The following TMC1 variants were observed in gnomAD, a reference collection of about 807,000 sequenced individuals.
TMC1 encodes transmembrane channel-like protein 1.
A neutral mutation model predicts 105.8 loss-of-function variants in TMC1; 84 were observed. That is an observed-to-expected ratio of 0.79 (90% CI 0.67 to 0.95). TMC1 has a LOEUF of 0.95. Among genes scored for constraint, TMC1 ranks in the 40% least tolerant of loss-of-function variants. TMC1 has a pLI of 0.00. For missense variants in TMC1, 817 were observed against 914.1 expected (o/e 0.89, Z 1.37); for synonymous variants, 315 against 311.5 (o/e 1.01, Z -0.12).
At chr9:72,654,473 A>G (rs1281600830) in intron 5 of TMC1, among the ~76,000 whole-genome samples, 2 of 151,626 alleles carry the variant, frequency 1.3e-5, no homozygotes, top group Non-Finnish European at 1.5e-5. Flanking sequence ...CATTTTCACT[A>G]TTGGTATATT....
chr9:72,692,697 C>T (rs1826485377), intron 6 of TMC1, among the ~76,000 whole-genome samples: 1 of 152,096 alleles, frequency 6.6e-6, no homozygotes, highest in South Asian at 2.1e-4. Flanking sequence ...CTAATAAAAG[C>T]AGGGTAAATA....
At chr9:72,785,955 A>G (rs929248590) in intron 13 of TMC1, among the ~76,000 whole-genome samples, 3 of 152,116 alleles carry the variant, frequency 2.0e-5, no homozygotes, top group Admixed American at 6.6e-5. Flanking sequence ...ATTGTTTCCT[A>G]CCTGCCTCTC....
At chr9:72,655,783 A>AT (rs538436268) in intron 5 of TMC1, 515 of 564,912 alleles carry the variant, frequency 9.1e-4, no homozygotes, top group South Asian at 2.7e-3. Context: ...TGCTTGTTTC[A>AT]TTTTTTTTTA....
chr9:72,550,778 A>T (rs562036101), intron 1 of TMC1, among the ~76,000 whole-genome samples: 3 of 151,906 alleles, frequency 2.0e-5, no homozygotes, highest in African/African-American at 7.3e-5. Context: ...CAAGATGTTC[A>T]GGTCCTATTC....
intron 5 of TMC1, among the ~76,000 whole-genome samples, chr9:72,658,924 C>T (rs1314754753): frequency 1.3e-5 from 2 of 152,160 alleles, no homozygotes; most frequent in African/African-American, 2.4e-5. Context: ...CAGGCAATAG[C>T]CACAGATGCT....
intron 5 of TMC1, among the ~76,000 whole-genome samples, chr9:72,658,416 G>A (rs1444847): frequency 0.15 from 23,176 of 151,644 alleles, 1,876 homozygotes; most frequent in Non-Finnish European, 0.19. Context: ...ACAAAATGGA[G>A]ATAATACCTG....
At chr9:72,531,595 T>G (rs560662362) in intron 1 of TMC1, among the ~76,000 whole-genome samples, 2 of 152,338 alleles carry the variant, frequency 1.3e-5, no homozygotes, top group African/African-American at 4.8e-5. Flanking sequence ...TATGGAGCTC[T>G]CAGTCACATA....
At chr9:72,627,030 G>GTT (rs1261010748) in intron 3 of TMC1, among the ~76,000 whole-genome samples, 3 of 127,686 alleles carry the variant, frequency 2.3e-5, no homozygotes, top group South Asian at 2.4e-4. Context: ...TATGTTGTTG[G>GTT]TTTTTTTTTT....
chr9:72,654,965 T>G (rs1825862653), intron 5 of TMC1, among the ~76,000 whole-genome samples: 1 of 152,216 alleles, frequency 6.6e-6, no homozygotes, highest in Non-Finnish European at 1.5e-5. Flanking sequence ...TTGATGGACA[T>G]ATGATATGGT....
At chr9:72,789,407 C>T in intron 15 of TMC1, 90 bp downstream of exon 15, 1 of 1,251,604 alleles carries the variant, frequency 8.0e-7, no homozygotes, top group Non-Finnish European at 1.2e-6. Context: ...TTAAAAAGGC[C>T]ACCCTTTACC....
At chr9:72,576,135 A>T (rs900847500) in intron 1 of TMC1, among the ~76,000 whole-genome samples, 25 of 152,342 alleles carry the variant, frequency 1.6e-4, no homozygotes, top group Middle Eastern at 6.8e-3. Flanking sequence ...ATGTCAAACT[A>T]AGCTGTAGGA....
chr9:72,622,726 C>T (rs77048023), intron 3 of TMC1, among the ~76,000 whole-genome samples: 17 of 152,094 alleles, frequency 1.1e-4, no homozygotes, highest in Non-Finnish European at 1.8e-4. Context: ...TCTATTATTC[C>T]CTTGGTGAGG....
intron 9 of TMC1, among the ~76,000 whole-genome samples, chr9:72,740,625 G>T (rs1234894942): frequency 1.3e-5 from 2 of 152,040 alleles, no homozygotes; most frequent in African/African-American, 4.8e-5. Context: ...ATGATATACT[G>T]ATACAAATAT....
At chr9:72,631,357 A>G (rs539680969) in intron 4 of TMC1, among the ~76,000 whole-genome samples, 2 of 152,304 alleles carry the variant, frequency 1.3e-5, no homozygotes, top group South Asian at 2.1e-4. Flanking sequence ...TGATAAATCT[A>G]TTGCTGGGGA....
At chr9:72,816,266 T>G in intron 19 of TMC1, 56 bp downstream of exon 19, 1 of 1,518,234 alleles carries the variant, frequency 6.6e-7, no homozygotes, top group South Asian at 1.1e-5. Flanking sequence ...AGGTTATTTT[T>G]GCATACAGCA....
rs530655896 is a variant in TMC1, at chr9:72,669,311, G to GA, written c.17-19389dup. 1.3e-4 allele frequency among the ~76,000 whole-genome samples: 20 copies of GA among 149,738 alleles called. No homozygotes were observed. The South Asian group carries it at 1.5e-3, about 11-fold the overall frequency. On this transcript the variant is annotated intron_variant, in intron 5 of 23. Coordinates refer to ENST00000297784, the MANE Select transcript of TMC1 (RefSeq NM_138691.3). ...GCGAAAGAGTAAGACTCTATCTAAA[G>GA]AAAAAAAAATGTACTATAATAATTT... is the stretch of plus-strand genomic sequence containing the variant.
At chr9:72,753,516 G>T (rs1827618907) in intron 11 of TMC1, among the ~76,000 whole-genome samples, 1 of 152,112 alleles carries the variant, frequency 6.6e-6, no homozygotes, top group Non-Finnish European at 1.5e-5. Context: ...CTATGTAGTG[G>T]ATGGAGTGCC....
At chr9:72,605,995 C>A (rs1824905119) in intron 2 of TMC1, among the ~76,000 whole-genome samples, 1 of 152,134 alleles carries the variant, frequency 6.6e-6, no homozygotes, top group Non-Finnish European at 1.5e-5. Flanking sequence ...TTAATTACTT[C>A]TTTAGAGGCT....
intron 1 of TMC1, among the ~76,000 whole-genome samples, chr9:72,529,667 G>GTT (rs572049643): frequency 1.4e-5 from 2 of 141,880 alleles, no homozygotes; most frequent in African/African-American, 5.1e-5. Flanking sequence ...TTGTTTCTCT[G>GTT]TTTTTTTTTT....
Sources: allele counts gnomAD v4.1 joint callset (sites outside exome capture counted in the v4.1 genomes callset), GRCh38; gene constraint gnomAD v4.1.1; transcripts MANE v1.5; gene names NCBI Gene and HGNC (gene_info 2026-07-23, HGNC 2026-07-21).